SYNE2: variants seen among roughly 807,000 people sequenced by gnomAD.
SYNE2 encodes the protein spectrin repeat containing nuclear envelope protein 2.
In SYNE2, 431 loss-of-function variants were observed where a neutral mutation model predicts 856.3. The observed-to-expected ratio is 0.50, with a 90% confidence interval of 0.47 to 0.55. The LOEUF is 0.55. Ranked by LOEUF, SYNE2 falls within the 20% of genes least tolerant of loss-of-function variation. SYNE2 has a pLI of 0.00. For synonymous variants in SYNE2, 2,923 were observed against 2,872.3 expected, an observed-to-expected ratio of 1.02 and a Z score of -0.56; for missense variants, 8,129 against 8,023.2, an observed-to-expected ratio of 1.01 and a Z score of -0.50.
intron 21 of SYNE2, among the ~76,000 whole-genome samples, chr14:63,991,898 G>A (rs1224016789): frequency 6.6e-6 from 1 of 152,148 alleles, no homozygotes; most frequent in Non-Finnish European, 1.5e-5. Flanking sequence ...TTATGAAAGG[G>A]CGCCCTATAG....
Position 64,051,763 on chromosome 14 carries a change from A to C in SYNE2, c.7850A>C (p.Lys2617Thr), listed in dbSNP as rs983654066. Residue 2617 changes from lysine (K) to threonine (T), a missense_variant, in exon 48 of 116, where the codon AAG becomes ACG. By Grantham distance (78) the Lys-to-Thr change is moderately conservative. Coordinates refer to ENST00000555002, the MANE Select transcript of SYNE2 (RefSeq NM_182914.3). The part of the protein sequence containing the change: ...WEQVEQQIQK[K>T]YSQQVVEYDE... ...CAAGTGGAACAGCAGATTCAAAAGA[A>C]GTATTCTCAGCAGGTAGTGGAATAT... The C allele has an allele frequency of 6.2e-7, 1 of 1,614,110 alleles. No individual in the cohort carries two copies. The highest frequency in any genetic ancestry group is 1.3e-5 in the African/African-American group (1 of 74,926).
intron 2 of SYNE2, among the ~76,000 whole-genome samples, chr14:63,917,538 T>TCAC (rs2095547005): frequency 6.6e-6 from 1 of 152,216 alleles, no homozygotes; most frequent in South Asian, 2.1e-4. Context: ...TGGCACAATC[T>TCAC]TGGCTCACTG....
At position 63,998,280 on chromosome 14, in the gene SYNE2, G is replaced by A; in HGVS notation, c.3305G>A (p.Ser1102Asn). Residue 1102 changes from serine to asparagine, a missense_variant, in exon 26 of 116, where the codon AGC becomes AAC. Physicochemically the swap from Ser to Asn is conservative, Grantham distance 46 (BLOSUM62 1). Around this residue, in one of 3 missense-constraint regions of SYNE2, gnomAD observed 2,422 missense variants for 2,357.4 expected, o/e 1.03. Transcript: ENST00000555002. Reference protein sequence around the residue: ...ASVLRPLQEESIMEKDYSASI... With the variant: ...ASVLRPLQEENIMEKDYSASI... ...GTGTTAAGGCCTCTGCAAGAAGAAA[G>A]CATTATGGAAAAGGATTACAGTGCA... 2 of 1,614,006 alleles carry A rather than the reference G, an allele frequency of 1.2e-6. No individual in the cohort carries two copies. The highest frequency in any genetic ancestry group is 2.2e-5 in the East Asian group (1 of 44,848).
At position 64,053,495 on chromosome 14, in the gene SYNE2, A is replaced by G; in HGVS notation, c.9582A>G (p.Ala3194=). The change falls in exon 48 of 116, where the codon GCA becomes GCG. Residue 3194 remains alanine (A), a synonymous_variant. Coordinates refer to ENST00000555002, the MANE Select transcript of SYNE2 (RefSeq NM_182914.3). ...AAAATGAAAAGGACAATTGTGAAGCATTTCAGGAGCAAGTTTGGGCAGAAA... is the reference window on the plus strand; with the variant it reads ...AAAATGAAAAGGACAATTGTGAAGCGTTTCAGGAGCAAGTTTGGGCAGAAA... ...HIQNEKDNCE[A]FQEQVWAEMC... The G allele has an allele frequency of 3.1e-6, 5 of 1,614,254 alleles. No individual in the cohort carries two copies. The highest frequency in any genetic ancestry group is 3.4e-6 in the Non-Finnish European group (4 of 1,180,036).
At chr14:64,221,221 C>T (rs2098692503) in intron 111 of SYNE2, among the ~76,000 whole-genome samples, 2 of 152,188 alleles carry the variant, frequency 1.3e-5, no homozygotes. Context: ...GAGCCCACCC[C>T]AGCCTGTCCT....
At chr14:63,906,232 C>G (rs1031662420) in intron 1 of SYNE2, among the ~76,000 whole-genome samples, 1 of 152,118 alleles carries the variant, frequency 6.6e-6, no homozygotes, top group Non-Finnish European at 1.5e-5. Context: ...ATTTTTGCAT[C>G]TATGTTCATC....
chr14:64,009,309 G>C (rs754567133), intron 31 of SYNE2, among the ~76,000 whole-genome samples: 26 of 152,218 alleles, frequency 1.7e-4, no homozygotes, highest in South Asian at 8.3e-4. Flanking sequence ...GCCAAGGCAG[G>C]TGGATCACCT....
intron 1 of SYNE2, among the ~76,000 whole-genome samples, chr14:63,892,417 GTTC>G (rs2095154580): frequency 6.7e-6 from 1 of 148,766 alleles, no homozygotes; most frequent in Admixed American, 6.8e-5. Context: ...GTAGTTTCAT[GTTC>G]TTCTTGAAAA....
At chr14:64,213,379 G>T (rs2098651472) in intron 105 of SYNE2, among the ~76,000 whole-genome samples, 2 of 152,174 alleles carry the variant, frequency 1.3e-5, no homozygotes, top group African/African-American at 2.4e-5. Context: ...TTTCTTAGAG[G>T]CTGGAAGCTT....
chr14:64,166,992 ACTTT>A (rs2098383533), intron 90 of SYNE2: 1 of 559,572 alleles, frequency 1.8e-6, no homozygotes, highest in African/African-American at 1.9e-5. Context: ...ATCTGAGATA[ACTTT>A]CTATTTCCTG....
rs1181520410 is a variant in SYNE2, at chr14:64,186,616, G to A, written c.17712+37G>A. The stretch of plus-strand genomic sequence containing the variant: ...CACTGCAGGGCACGGCTGTTTGGGA[G>A]TGGATTGAAATGTCTCTGAAGGCCA... On this transcript the variant is annotated intron_variant, in intron 97 of 115. Transcript: ENST00000555002. The A allele has an allele frequency of 2.5e-6, 4 of 1,613,538 alleles. No homozygotes were observed. In the African/African-American group the frequency reaches 5.3e-5, roughly 22 times the overall value.
At chr14:63,806,920 G>A (rs931700569) in intron 1 of SYNE2, among the ~76,000 whole-genome samples, 1 of 140,328 alleles carries the variant, frequency 7.1e-6, no homozygotes, top group South Asian at 2.3e-4. Flanking sequence ...TCGCTATGTT[G>A]CCCAGGCTGG....
rs745382714 is a variant in SYNE2, at chr14:64,143,722, AT to A, written c.15307-49del. ...GAGCACATAAAGGGAAATCCATTTG[AT>A]CTGACCAACATTCATGACTGCTTTG... On this transcript the variant is annotated intron_variant, in intron 82 of 115. Transcript: ENST00000555002. 9.6e-5 allele frequency: 154 copies of A among 1,601,904 alleles called. 1 individual carries two copies. In the African/African-American group the frequency reaches 1.8e-3, roughly 19 times the overall value.
At chr14:64,135,812 C>A (rs2098083070) in intron 78 of SYNE2, among the ~76,000 whole-genome samples, 1 of 152,146 alleles carries the variant, frequency 6.6e-6, no homozygotes, top group African/African-American at 2.4e-5. Context: ...CTTCATAGGC[C>A]ATTCTCAGTT....
At chr14:64,017,811 T>C (rs45484392) in intron 34 of SYNE2, 55 bp downstream of exon 34, 338 of 1,563,292 alleles carry the variant, frequency 2.2e-4, no homozygotes, top group Non-Finnish European at 2.6e-4. Context: ...ACATTTTTTA[T>C]TTTTTATGAA....
chr14:63,991,997 G>A (rs952866422), intron 21 of SYNE2, among the ~76,000 whole-genome samples: 1 of 152,032 alleles, frequency 6.6e-6, no homozygotes, highest in Admixed American at 6.5e-5. Flanking sequence ...CCACGCTGGG[G>A]CCCTGTTGTC....
intron 1 of SYNE2, among the ~76,000 whole-genome samples, chr14:63,785,305 A>G (rs912718622): frequency 6.6e-5 from 10 of 152,098 alleles, no homozygotes; most frequent in African/African-American, 1.2e-4. Flanking sequence ...CCAAAAATAC[A>G]AAATGTAGTT....
intron 1 of SYNE2, among the ~76,000 whole-genome samples, chr14:63,821,142 A>T (rs1889196384): frequency 6.6e-6 from 1 of 152,142 alleles, no homozygotes; most frequent in African/African-American, 2.4e-5. Flanking sequence ...ACTTTATATT[A>T]TATATGGTTT....
intron 1 of SYNE2, among the ~76,000 whole-genome samples, chr14:63,815,904 T>C (rs1162232201): frequency 6.6e-6 from 1 of 152,068 alleles, no homozygotes; most frequent in South Asian, 2.1e-4. Context: ...CCATTAACCT[T>C]TGTTTTTCTT....
Sources: allele counts gnomAD v4.1 joint callset (sites outside exome capture counted in the v4.1 genomes callset), GRCh38; gene constraint gnomAD v4.1.1; regional missense constraint gnomAD v4.1.1; transcripts MANE v1.5; gene names NCBI Gene and HGNC (gene_info 2026-07-23, HGNC 2026-07-21).